PARP11: variants seen among roughly 807,000 people sequenced by gnomAD.
PARP11 encodes the protein protein mono-ADP-ribosyltransferase PARP11.
Under a neutral mutation model 42.9 loss-of-function variants are expected in PARP11, and 31 were observed. The ratio of observed to expected loss-of-function variants is 0.72; its 90% CI spans 0.54 to 0.98. PARP11 has a LOEUF of 0.98. PARP11 is among the 50% of genes least tolerant of loss of function. The pLI, the probability that PARP11 is intolerant of heterozygous loss-of-function variation, is 0.00. For missense variants in PARP11, 365 were observed against 413.1 expected, an observed-to-expected ratio of 0.88 and a Z score of 1.01; for synonymous variants, 137 against 127.3, an observed-to-expected ratio of 1.08 and a Z score of -0.51.
chr12:3,872,062 C>A (rs1300136229), intron 1 of PARP11: 1 of 152,166 alleles, frequency 6.6e-6, no homozygotes, highest in Non-Finnish European at 1.5e-5. Flanking sequence ...TAAAGAAATT[C>A]TCTAATCTAC....
rs146749209 is a variant in PARP11 at position 3,865,319 on chromosome 12, C to T, written c.18+7893G>A. The stretch of plus-strand genomic sequence containing the variant: ...CTATGTAGTTGGAAAAAAATAAAAC[C>T]CATGTATTCAGCTGTTGATGGGTGA... On this transcript the variant is annotated intron_variant, in intron 1 of 7. Transcript: ENST00000228820. 1.7e-3 allele frequency among the ~76,000 whole-genome samples: 265 copies of T among 152,076 alleles called. 5 individuals carry two copies. Among genetic ancestry groups the T allele is most frequent in the East Asian group, 0.014 (74 of 5,176 alleles).
chr12:3,870,555 G>A (rs969814624), intron 1 of PARP11, among the ~76,000 whole-genome samples: 7 of 152,202 alleles, frequency 4.6e-5, no homozygotes, highest in African/African-American at 1.2e-4. Context: ...TATGTGTGAC[G>A]CAGGAGGGAA....
At chr12:3,842,768 G>A (rs1175612373) in intron 1 of PARP11, among the ~76,000 whole-genome samples, 2 of 152,114 alleles carry the variant, frequency 1.3e-5, no homozygotes, top group African/African-American at 4.8e-5. Flanking sequence ...AAAAGCAGAT[G>A]TTTGTTAAAG....
intron 1 of PARP11, among the ~76,000 whole-genome samples, chr12:3,871,134 T>C (rs1321338675): frequency 6.6e-6 from 1 of 152,216 alleles, no homozygotes; most frequent in Non-Finnish European, 1.5e-5. Flanking sequence ...TAGGGAAATG[T>C]ACTGATAAAC....
intron 1 of PARP11, among the ~76,000 whole-genome samples, chr12:3,844,828 T>A (rs1947967123): frequency 6.6e-6 from 1 of 152,260 alleles, no homozygotes; most frequent in African/African-American, 2.4e-5. Context: ...GCATGAAGGT[T>A]GGTTTCGCTT....
rs536321062 is a variant in PARP11 at position 3,836,922 on chromosome 12, G to C, written c.19-6904C>G. Among the ~76,000 whole-genome samples the C allele has an allele frequency of 1.3e-4, 20 of 152,266 alleles. No homozygotes were observed. The South Asian group carries it at 4.1e-3, about 32-fold the overall frequency. ...CTACACTGGAAAAAGTGAGATTAAG[G>C]TGGCCAACCAGCTTTCCCACCATCT... On this transcript the variant is annotated intron_variant, in intron 1 of 7. Transcript: ENST00000228820.
chr12:3,841,215 A>G (rs1057401469), intron 1 of PARP11: 11 of 1,501,362 alleles, frequency 7.3e-6, no homozygotes, highest in Non-Finnish European at 1.0e-5. Context: ...CCATTGTACC[A>G]CCTTCTTCAC....
chr12:3,829,621 C>T (rs2138044731), intron 2 of PARP11, among the ~76,000 whole-genome samples: 1 of 152,284 alleles, frequency 6.6e-6, no homozygotes, highest in South Asian at 2.1e-4. Context: ...TCCACCAAAC[C>T]AAACTTGGAG....
intron 1 of PARP11, among the ~76,000 whole-genome samples, chr12:3,871,040 G>T (rs1011314346): frequency 1.3e-5 from 2 of 152,128 alleles, no homozygotes; most frequent in Admixed American, 6.5e-5. Flanking sequence ...GTTATATGAT[G>T]CACAAGAAGG....
intron 1 of PARP11, chr12:3,872,419 G>T: frequency 1.9e-6 from 1 of 526,244 alleles, no homozygotes; most frequent in Non-Finnish European, 2.4e-6. Context: ...GTGAGGAAAG[G>T]TACTAAAGTT....
chr12:3,850,527 C>T (rs142317597), intron 1 of PARP11, among the ~76,000 whole-genome samples: 1 of 152,268 alleles, frequency 6.6e-6, no homozygotes, highest in Non-Finnish European at 1.5e-5. Context: ...TGTCCAGATT[C>T]CCCCACGCAA....
intron 1 of PARP11, among the ~76,000 whole-genome samples, chr12:3,846,984 G>T (rs913521162): frequency 1.3e-5 from 2 of 151,760 alleles, no homozygotes; most frequent in East Asian, 3.9e-4. Context: ...GGCTGAGGTG[G>T]GAGTATCACC....
intron 1 of PARP11, among the ~76,000 whole-genome samples, chr12:3,834,892 C>G (rs952162433): frequency 2.0e-5 from 3 of 152,076 alleles, no homozygotes; most frequent in African/African-American, 7.2e-5. Flanking sequence ...AAGCTATACA[C>G]GTACCCACTG....
Position 3,840,423 on chromosome 12 carries a change from A to G in PARP11, c.19-10405T>C. 1 of 1,613,506 alleles carries G rather than the reference A, an allele frequency of 6.2e-7. No individual in the cohort carries two copies. Among genetic ancestry groups the G allele is most frequent in the South Asian group, 1.1e-5 (1 of 91,070 alleles). ...CAAGCAAGCCAATAAAAGCCCCATT[A>G]GCACTACCTCCTCGACTGCAGCATC... On this transcript the variant is annotated intron_variant, in intron 1 of 7. Coordinates refer to ENST00000228820, the MANE Select transcript of PARP11 (RefSeq NM_020367.6). The surrounding 1 kb of genome is among the most constrained non-coding windows in gnomAD (Gnocchi z 4.4).
intron 6 of PARP11, among the ~76,000 whole-genome samples, chr12:3,818,497 C>G (rs571689564): frequency 1.3e-5 from 2 of 152,322 alleles, no homozygotes; most frequent in Admixed American, 6.5e-5. Context: ...CTTTTAAATT[C>G]TCCTTCTCCA....
chr12:3,835,735 T>A (rs1947748720), intron 1 of PARP11, among the ~76,000 whole-genome samples: 1 of 152,120 alleles, frequency 6.6e-6, no homozygotes, highest in African/African-American at 2.4e-5. Context: ...AGTTGAAAAG[T>A]ATAGTAAGTA....
intron 1 of PARP11, among the ~76,000 whole-genome samples, chr12:3,835,331 T>G (rs993088112): frequency 1.3e-5 from 2 of 152,088 alleles, no homozygotes; most frequent in African/African-American, 2.4e-5. Flanking sequence ...CTACACACTG[T>G]GAGGAAAATG....
chr12:3,846,282 A>G (rs939777845), intron 1 of PARP11, among the ~76,000 whole-genome samples: 8 of 152,074 alleles, frequency 5.3e-5, no homozygotes, highest in African/African-American at 1.9e-4. Flanking sequence ...TTTAAAAAAA[A>G]AAAGAAAAAC....
chr12:3,872,386 G>C (rs1316404279), intron 1 of PARP11: 1 of 262,346 alleles, frequency 3.8e-6, no homozygotes. Flanking sequence ...AAGGAGTGGT[G>C]GCTGTGATCC....
Sources: allele counts gnomAD v4.1 joint callset (sites outside exome capture counted in the v4.1 genomes callset), GRCh38; gene constraint gnomAD v4.1.1; non-coding constraint Gnocchi (gnomAD v3.1); transcripts MANE v1.5; gene names NCBI Gene and HGNC (gene_info 2026-07-23, HGNC 2026-07-21).